Variants in DERA observed in about 807,000 individuals in gnomAD.
DERA encodes 2-deoxy-D-ribose 5-phosphate aldolase.
Under a neutral mutation model 41.1 loss-of-function variants are expected in DERA, and 15 were observed. The observed-to-expected ratio is 0.37, with a 90% confidence interval of 0.24 to 0.56. The LOEUF is 0.56. Ranked by LOEUF, DERA falls within the 20% of genes least tolerant of loss-of-function variation. The probability of loss-of-function intolerance (pLI) is 0.81; values close to 1 mark genes in which losing one functional copy is unlikely to be tolerated. For missense variants in DERA, 396 were observed against 403.4 expected (o/e 0.98, Z 0.16); for synonymous variants, 139 against 137.4 (o/e 1.01, Z -0.08).
At chr12:16,029,703 T>C (rs1949077896) in intron 6 of DERA, among the ~76,000 whole-genome samples, 2 of 152,126 alleles carry the variant, frequency 1.3e-5, no homozygotes, top group South Asian at 2.1e-4. Flanking sequence ...GAAAGGGGCA[T>C]AGACATGCAA....
chr12:15,944,980 A>G (rs1948436220), intron 1 of DERA, among the ~76,000 whole-genome samples: 1 of 152,228 alleles, frequency 6.6e-6, no homozygotes, highest in African/African-American at 2.4e-5. Flanking sequence ...CATTTGTTAA[A>G]TAGGGAATCC....
Position 15,988,281 on chromosome 12 carries a change from G to T in DERA, c.637+5845G>T, listed in dbSNP as rs1043284473. On this transcript the variant is annotated intron_variant, in intron 6 of 8. Coordinates refer to ENST00000428559, the MANE Select transcript of DERA (RefSeq NM_015954.4). The surrounding 1 kb of genome is among the most constrained non-coding windows in gnomAD (Gnocchi z 6.0). ...ACAGCTCTTTCAGTCCCGCCATTTG[G>T]TGGGTCCTGAGTTCTTGTCCTGTGT... Among the ~76,000 whole-genome samples, 2 of 152,158 alleles carry T rather than the reference G, an allele frequency of 1.3e-5. No individual in the cohort carries two copies. The highest frequency in any genetic ancestry group is 1.3e-4 in the Admixed American group (2 of 15,280).
At position 15,943,874 on chromosome 12, in the gene DERA, C is replaced by G. The variant is rs1230274516; in HGVS notation, c.32-13062C>G. ...CGTATTTCTCCTAATGCTATCCCTC[C>G]CCCCTCCCCCCACCCCACGACAGAC... On this transcript the variant is annotated intron_variant, in intron 1 of 8. Transcript: ENST00000428559. The surrounding 1 kb of genome is among the most constrained non-coding windows in gnomAD (Gnocchi z 4.5). 8.6e-6 allele frequency among the ~76,000 whole-genome samples: 1 copy of G among 116,158 alleles called. No individual in the cohort carries two copies. Among genetic ancestry groups the G allele is most frequent in the Non-Finnish European group, 1.7e-5 (1 of 58,132 alleles). The allele number at this position is 116,158 out of a possible 152,430, so 76.2% of individuals were successfully genotyped here.
Position 15,957,038 on chromosome 12 carries a change from G to C in DERA, c.129+5G>C, listed in dbSNP as rs1948545678. The C allele has an allele frequency of 1.9e-6, 3 of 1,612,242 alleles. No individual in the cohort carries two copies. Among genetic ancestry groups the C allele is most frequent in the Non-Finnish European group, 2.5e-6 (3 of 1,178,442 alleles). On this transcript the variant is annotated splice_donor_5th_base_variant and intron_variant, in intron 2 of 8. Coordinates refer to ENST00000428559, the MANE Select transcript of DERA (RefSeq NM_015954.4). This position sits in a 1 kb window ranked among gnomAD's most constrained non-coding sequence, Gnocchi z 4.8. ...ACCGTGAAAAAGGAGTGGCAGGTAA[G>C]GGTTCTTCTTGAGCATTCTGTGCCT... is the stretch of plus-strand genomic sequence containing the variant.
In DERA at chr12:15,997,555, G is replaced by T. The variant is rs182793525; in HGVS notation, c.637+15119G>T. 2.8e-3 allele frequency among the ~76,000 whole-genome samples: 428 copies of T among 152,220 alleles called. 3 individuals carry two copies. The highest frequency in any genetic ancestry group is 9.9e-3 in the African/African-American group (412 of 41,524). ...GTTCTTGAAATCATCAGCTTATTCT[G>T]CAGTCATGACTTTAACGGAATCGTA... On this transcript the variant is annotated intron_variant, in intron 6 of 8. Transcript: ENST00000428559.
rs906527935 is a variant in DERA, at chr12:15,957,675, GTAAAA to G, written c.130-506_130-502del. Among the ~76,000 whole-genome samples the G allele has an allele frequency of 7.9e-5, 12 of 152,138 alleles. No individual in the cohort carries two copies. The highest frequency in any genetic ancestry group is 1.5e-4 in the Non-Finnish European group (10 of 68,024). ...CCTTAGAAATATTCTGGTTGAAAAG[GTAAAA>G]TAAAATTCATCAGACTGAGTTGTGA... On this transcript the variant is annotated intron_variant, in intron 2 of 8. Transcript: ENST00000428559. The surrounding 1 kb of genome is among the most constrained non-coding windows in gnomAD (Gnocchi z 4.8).
chr12:15,921,914 A>C lies in DERA; in HGVS notation c.31+10500A>C, dbSNP rs1435594858. Among the ~76,000 whole-genome samples, 1 of 132,254 alleles carries C rather than the reference A, an allele frequency of 7.6e-6. No homozygotes were observed. 86.8% of individuals were successfully genotyped at this position (132,254 alleles called of 152,430 possible). The stretch of plus-strand genomic sequence containing the variant: ...GCACTCCAGCCTGGGTGACGAGCAA[A>C]ACTCCATCTCAGATAATAATAATAA... On this transcript the variant is annotated intron_variant, in intron 1 of 8. Coordinates refer to ENST00000428559, the MANE Select transcript of DERA (RefSeq NM_015954.4). This position sits in a 1 kb window ranked among gnomAD's most constrained non-coding sequence, Gnocchi z 5.3.
rs1194799204 is a variant in DERA, at chr12:15,985,613, T to C, written c.637+3177T>C. Among the ~76,000 whole-genome samples, 3 of 152,162 alleles carry C rather than the reference T, an allele frequency of 2.0e-5. No individual in the cohort carries two copies. Among genetic ancestry groups the C allele is most frequent in the African/African-American group, 2.4e-5 (1 of 41,456 alleles). ...GTGAAAGTTATTTTCTAATTTCCCT[T>C]GTGATCTCTTTTGTTATTTAGAGTG... is the stretch of plus-strand genomic sequence containing the variant. On this transcript the variant is annotated intron_variant, in intron 6 of 8. Transcript: ENST00000428559. The surrounding 1 kb of genome is among the most constrained non-coding windows in gnomAD (Gnocchi z 4.2).
rs192442308 is a variant in DERA at position 15,975,488 on chromosome 12, G to A, written c.509-6820G>A. On this transcript the variant is annotated intron_variant, in intron 5 of 8. Transcript: ENST00000428559. ...CCCCTAGCTGCATGACTCTTAAGCC[G>A]TAATTTCTAATCTTGGAGCTAACTT... is the stretch of plus-strand genomic sequence containing the variant. Among the ~76,000 whole-genome samples, 19 of 152,336 alleles carry A rather than the reference G, an allele frequency of 1.2e-4. No individual in the cohort carries two copies. The East Asian group carries it at 3.1e-3, about 25-fold the overall frequency.
intron 1 of DERA, among the ~76,000 whole-genome samples, chr12:15,914,570 A>G (rs17222173): frequency 1.3e-5 from 2 of 152,056 alleles, no homozygotes; most frequent in East Asian, 3.9e-4. Context: ...CAGTTTTGTT[A>G]CATCCGTCTT....
In DERA at chr12:16,001,233, A is replaced by G. The variant is rs937116336; in HGVS notation, c.637+18797A>G. Among the ~76,000 whole-genome samples the G allele has an allele frequency of 7.9e-5, 12 of 152,332 alleles. No homozygotes were observed. The highest frequency in any genetic ancestry group is 2.9e-4 in the African/African-American group (12 of 41,580). On this transcript the variant is annotated intron_variant, in intron 6 of 8. Transcript: ENST00000428559. The surrounding 1 kb of genome is among the most constrained non-coding windows in gnomAD (Gnocchi z 4.1). Reference sequence around the variant, plus strand: ...GTACACCTATGTAACAAACCTGCACATTCTGCACATGTTTATCCTATTTTT... The same window carrying G: ...GTACACCTATGTAACAAACCTGCACGTTCTGCACATGTTTATCCTATTTTT...
At position 15,990,151 on chromosome 12, in the gene DERA, A is replaced by G. The variant is rs1405900520; in HGVS notation, c.637+7715A>G. 1.3e-5 allele frequency among the ~76,000 whole-genome samples: 2 copies of G among 152,070 alleles called. No homozygotes were observed. The highest frequency in any genetic ancestry group is 3.9e-4 in the East Asian group (2 of 5,186). On this transcript the variant is annotated intron_variant, in intron 6 of 8. Transcript: ENST00000428559. The surrounding 1 kb of genome is among the most constrained non-coding windows in gnomAD (Gnocchi z 4.3). ...AACATAATGAAATCTTTTTTTTTCT[A>G]TACTCTTTCAAGGCATTATTTAGAG...
rs73057196 is a variant in DERA at position 15,979,830 on chromosome 12, A to C, written c.509-2478A>C. On this transcript the variant is annotated intron_variant, in intron 5 of 8. Transcript: ENST00000428559. The stretch of plus-strand genomic sequence containing the variant: ...TAAAATACCTCTGGTTTTCGTGGTT[A>C]ATTTTAACTATACTTCAAGAAATTC... Among the ~76,000 whole-genome samples, 1,093 of 152,328 alleles carry C rather than the reference A, an allele frequency of 7.2e-3. 9 individuals carry two copies. Among genetic ancestry groups the C allele is most frequent in the East Asian group, 0.038 (198 of 5,180 alleles).
chr12:16,022,310 C>A (rs535117113), intron 6 of DERA, among the ~76,000 whole-genome samples: 5 of 152,160 alleles, frequency 3.3e-5, no homozygotes, highest in Non-Finnish European at 7.3e-5. Context: ...CTGCCATGAT[C>A]GTAGGCTTCC....
At position 15,985,654 on chromosome 12, in the gene DERA, T is replaced by C. The variant is rs1018873416; in HGVS notation, c.637+3218T>C. ...ATTTAGAGTGCTATTTACAATGAGA[T>C]ATTTACTTTCCAAATATTTTGTGCT... On this transcript the variant is annotated intron_variant, in intron 6 of 8. Coordinates refer to ENST00000428559, the MANE Select transcript of DERA (RefSeq NM_015954.4). The surrounding 1 kb of genome is among the most constrained non-coding windows in gnomAD (Gnocchi z 4.2). Among the ~76,000 whole-genome samples, 16 of 152,290 alleles carry C rather than the reference T, an allele frequency of 1.1e-4. No individual in the cohort carries two copies. Among genetic ancestry groups the C allele is most frequent in the South Asian group, 8.3e-4 (4 of 4,828 alleles).
chr12:16,036,405 G>T lies in DERA; in HGVS notation c.900+24G>T. On this transcript the variant is annotated intron_variant, in intron 8 of 8. Coordinates refer to ENST00000428559, the MANE Select transcript of DERA (RefSeq NM_015954.4). The surrounding 1 kb of genome is among the most constrained non-coding windows in gnomAD (Gnocchi z 4.9). Reference sequence around the variant, plus strand: ...AGGTGAGTAATCATCTCTGTCTTTGGAATAAATTAACAAGTGTTTTTTGAG... The same window carrying T: ...AGGTGAGTAATCATCTCTGTCTTTGTAATAAATTAACAAGTGTTTTTTGAG... The T allele has an allele frequency of 1.3e-6, 2 of 1,563,250 alleles. No homozygotes were observed. The highest frequency in any genetic ancestry group is 1.7e-6 in the Non-Finnish European group (2 of 1,158,910).
At position 15,993,548 on chromosome 12, in the gene DERA, G is replaced by A. The variant is rs1454785707; in HGVS notation, c.637+11112G>A. ...GGAAAAAGCATTTAATTTATGAAAA[G>A]GTATGCTACAACTGAAACTTCATCA... On this transcript the variant is annotated intron_variant, in intron 6 of 8. Coordinates refer to ENST00000428559, the MANE Select transcript of DERA (RefSeq NM_015954.4). The surrounding 1 kb of genome is among the most constrained non-coding windows in gnomAD (Gnocchi z 4.4). Among the ~76,000 whole-genome samples, 1 of 150,906 alleles carries A rather than the reference G, an allele frequency of 6.6e-6. No homozygotes were observed. The highest frequency in any genetic ancestry group is 1.5e-5 in the Non-Finnish European group (1 of 67,864).
intron 5 of DERA, chr12:15,971,758 C>T (rs3782546): frequency 0.63 from 100,214 of 160,130 alleles, 31,814 homozygotes; most frequent in East Asian, 0.83. Context: ...CCTCAGGTGA[C>T]CCACCTGCCT....
At chr12:15,945,679 C>A (rs1297056730) in intron 1 of DERA, among the ~76,000 whole-genome samples, 1 of 152,186 alleles carries the variant, frequency 6.6e-6, no homozygotes, top group Admixed American at 6.5e-5. Flanking sequence ...CAAACAGGTA[C>A]AATTTGACTT....
Sources: gnomAD v4.1 joint callset for allele counts (sites outside exome capture counted in the v4.1 genomes callset) on GRCh38, gnomAD v4.1.1 for gene constraint, Gnocchi (gnomAD v3.1) non-coding constraint, MANE v1.5 for transcripts, NCBI Gene and HGNC (gene_info 2026-07-23, HGNC 2026-07-21) for gene names.